Variants in RBFOX1 observed in about 807,000 individuals in gnomAD.
RBFOX1 encodes RNA binding protein fox-1 homolog 1.
RBFOX1 carries 8 observed loss-of-function variants against 57.7 expected under a neutral mutation model. The ratio of observed to expected loss-of-function variants is 0.14; its 90% confidence interval spans 0.08 to 0.25. The LOEUF is 0.25. Among genes scored for constraint, RBFOX1 ranks in the 10% least tolerant of loss-of-function variants. RBFOX1 has a pLI of 1.00. For synonymous variants in RBFOX1, 326 were observed against 222.4 expected, an observed-to-expected ratio of 1.47 and a Z score of -4.15; for missense variants, 611 against 548.5, an observed-to-expected ratio of 1.11 and a Z score of -1.14.
intron 3 of RBFOX1, among the ~76,000 whole-genome samples, chr16:7,001,607 C>A (rs1367045237): frequency 6.6e-6 from 1 of 151,946 alleles, no homozygotes; most frequent in Non-Finnish European, 1.5e-5. Context: ...CAGGCACGTG[C>A]CATCACACCC....
chr16:7,543,283 G>T (rs796349614), intron 5 of RBFOX1, among the ~76,000 whole-genome samples: 5 of 152,316 alleles, frequency 3.3e-5, no homozygotes, highest in African/African-American at 1.2e-4. Context: ...TCACATAAAG[G>T]TTTGAGAACT....
intron 3 of RBFOX1, among the ~76,000 whole-genome samples, chr16:6,671,033 G>C (rs1236229988): frequency 6.6e-6 from 1 of 152,086 alleles, no homozygotes; most frequent in African/African-American, 2.4e-5. Context: ...TTATTTACTT[G>C]GTATGTTGCA....
At chr16:6,972,755 CAAGG>C (rs767409940) in intron 3 of RBFOX1, among the ~76,000 whole-genome samples, 2 of 152,028 alleles carry the variant, frequency 1.3e-5, no homozygotes, top group Admixed American at 6.5e-5. Context: ...AGGGGAAACA[CAAGG>C]GAGGCTGGGT....
chr16:7,460,828 C>A (rs1283886176), intron 4 of RBFOX1, among the ~76,000 whole-genome samples: 1 of 152,140 alleles, frequency 6.6e-6, no homozygotes, highest in African/African-American at 2.4e-5. Flanking sequence ...TTTCCAGCCT[C>A]CCTCCCAAAA....
chr16:6,054,948 A>G (rs1175440377), intron 1 of RBFOX1, among the ~76,000 whole-genome samples: 1 of 151,772 alleles, frequency 6.6e-6, no homozygotes, highest in Admixed American at 6.6e-5. Context: ...ATGCTTGGCT[A>G]ATTTTTTGTA....
chr16:7,051,918 T>A, intron 3 of RBFOX1, 139 bp from the exon 4 acceptor site: 2 of 1,333,618 alleles, frequency 1.5e-6, no homozygotes, highest in Admixed American at 2.2e-5. Context: ...TATGTAGACC[T>A]AAAGAAAAAT....
chr16:6,726,158 T>C (rs1056951820), intron 3 of RBFOX1, among the ~76,000 whole-genome samples: 7 of 152,174 alleles, frequency 4.6e-5, no homozygotes, highest in Non-Finnish European at 8.8e-5. Flanking sequence ...TTTACTGTTA[T>C]TAAAAATGGA....
In RBFOX1 at chr16:7,090,726, G is replaced by A. The variant is rs997051361; in HGVS notation, c.27+38628G>A. Among the ~76,000 whole-genome samples, 8 of 152,292 alleles carry A rather than the reference G, an allele frequency of 5.3e-5. No individual in the cohort carries two copies. The South Asian group carries it at 8.3e-4, about 16-fold the overall frequency. ...TGCAACCATTGGCTGACTTCCGGGC[G>A]GTTTTGATTCACCAAACTTGGCCAC... On this transcript the variant is annotated intron_variant, in intron 4 of 15. Transcript: ENST00000550418.
At chr16:7,058,166 C>T (rs2053064406) in intron 4 of RBFOX1, among the ~76,000 whole-genome samples, 1 of 152,108 alleles carries the variant, frequency 6.6e-6, no homozygotes, top group African/African-American at 2.4e-5. Flanking sequence ...GCACGTCTTA[C>T]TCACAGCTTT....
intron 3 of RBFOX1, among the ~76,000 whole-genome samples, chr16:5,641,060 C>T (rs550673786): frequency 6.8e-6 from 1 of 146,512 alleles, no homozygotes; most frequent in Admixed American, 6.8e-5. Context: ...GCACATACAC[C>T]CATGCACACC....
chr16:5,619,990 A>AC (rs956828638), intron 3 of RBFOX1, among the ~76,000 whole-genome samples: 3 of 151,434 alleles, frequency 2.0e-5, no homozygotes, highest in African/African-American at 7.3e-5. Context: ...ATGCATTAAA[A>AC]AAAAAAAAAA....
chr16:5,669,422 CTTT>C (rs34318850), intron 3 of RBFOX1, among the ~76,000 whole-genome samples: 2 of 118,532 alleles, frequency 1.7e-5, no homozygotes, highest in Non-Finnish European at 1.7e-5. Context: ...AACAAGTTGG[CTTT>C]TTTTTTTTTT....
intron 7 of RBFOX1, among the ~76,000 whole-genome samples, chr16:7,594,153 G>A (rs2152939060): frequency 6.6e-6 from 1 of 151,664 alleles, no homozygotes; most frequent in East Asian, 1.9e-4. Flanking sequence ...AGGCCCTGGT[G>A]TGTGATGTTC....
intron 2 of RBFOX1, among the ~76,000 whole-genome samples, chr16:6,553,820 C>T (rs887568890): frequency 1.3e-5 from 2 of 152,256 alleles, no homozygotes; most frequent in East Asian, 3.9e-4. Flanking sequence ...GAGACAGCAA[C>T]CCGTGGATGG....
At position 5,412,777 on chromosome 16, in the gene RBFOX1, C is replaced by G. The variant is rs536375123; in HGVS notation, c.220-54439C>G. 1.5e-3 allele frequency among the ~76,000 whole-genome samples: 221 copies of G among 152,334 alleles called. 1 individual carries two copies. Among genetic ancestry groups the G allele is most frequent in the African/African-American group, 4.9e-3 (202 of 41,570 alleles). On this transcript the variant is annotated intron_variant, in intron 1 of 2. Transcript: ENST00000585867. The stretch of plus-strand genomic sequence containing the variant: ...AGCACAGGGAGGCTAATCAGCCCGC[C>G]CTAGGGCTGGCACCTACACACATAT...
intron 4 of RBFOX1, among the ~76,000 whole-genome samples, chr16:7,228,768 A>T (rs145150918): frequency 6.6e-6 from 1 of 152,240 alleles, no homozygotes; most frequent in Non-Finnish European, 1.5e-5. Context: ...AATTTGACCA[A>T]GTTTCCCATT....
intron 4 of RBFOX1, among the ~76,000 whole-genome samples, chr16:5,869,694 C>T (rs1352178773): frequency 2.6e-5 from 4 of 152,266 alleles, no homozygotes; most frequent in South Asian, 2.1e-4. Context: ...TGAGCCACCG[C>T]GCCCGGCTGT....
At chr16:6,746,191 A>G (rs371564863) in intron 3 of RBFOX1, among the ~76,000 whole-genome samples, 6 of 152,210 alleles carry the variant, frequency 3.9e-5, no homozygotes, top group African/African-American at 1.4e-4. Flanking sequence ...GTCTCCCCTA[A>G]TTGATCTGTA....
At chr16:5,434,985 A>G (rs1204179264) in intron 1 of RBFOX1, among the ~76,000 whole-genome samples, 1 of 152,208 alleles carries the variant, frequency 6.6e-6, no homozygotes, top group Non-Finnish European at 1.5e-5. Flanking sequence ...AAGGTTTACA[A>G]TATTCCCATT....
Sources: gnomAD v4.1 joint callset for allele counts (sites outside exome capture counted in the v4.1 genomes callset) on GRCh38, gnomAD v4.1.1 for gene constraint, MANE v1.5 for transcripts, NCBI Gene and HGNC (gene_info 2026-07-23, HGNC 2026-07-21) for gene names.